Variants in FRMD4B observed in about 807,000 individuals in gnomAD.
The protein encoded by FRMD4B is FERM domain-containing protein 4B.
Under a neutral mutation model 141.5 loss-of-function variants are expected in FRMD4B, and 74 were observed. The ratio of observed to expected loss-of-function variants is 0.52; its 90% confidence interval spans 0.43 to 0.63. The LOEUF (loss-of-function observed/expected upper bound fraction) is 0.63. FRMD4B is among the 30% of genes least tolerant of loss of function. The probability of loss-of-function intolerance (pLI) is 0.00; values close to 1 mark genes in which losing one functional copy is unlikely to be tolerated. For synonymous variants in FRMD4B, 506 were observed against 467.9 expected (o/e 1.08, Z -1.05); for missense variants, 1,366 against 1,253.4 (o/e 1.09, Z -1.36).
At chr3:69,204,560 T>C (rs1454298624) in intron 11 of FRMD4B, among the ~76,000 whole-genome samples, 1 of 152,216 alleles carries the variant, frequency 6.6e-6, no homozygotes, top group Non-Finnish European at 1.5e-5. Context: ...TTTATTCTTT[T>C]TTCATTTTGA....
intron 7 of FRMD4B, among the ~76,000 whole-genome samples, chr3:69,241,973 ACT>A (rs2093387935): frequency 6.6e-6 from 1 of 152,038 alleles, no homozygotes; most frequent in African/African-American, 2.4e-5. Context: ...CTAATTTGCC[ACT>A]CTCTAGCTAT....
At chr3:69,404,274 T>A (rs1364787011) in intron 2 of FRMD4B, among the ~76,000 whole-genome samples, 1 of 152,182 alleles carries the variant, frequency 6.6e-6, no homozygotes, top group African/African-American at 2.4e-5. Context: ...TTTTTGCCCA[T>A]AAGATTTCTC....
chr3:69,435,240 C>G (rs1271611881), intron 1 of FRMD4B, among the ~76,000 whole-genome samples: 9 of 152,054 alleles, frequency 5.9e-5, no homozygotes, highest in Admixed American at 5.9e-4. Flanking sequence ...AGATGAAAAT[C>G]CAGACACCTG....
Position 69,224,695 on chromosome 3 carries a change from A to G in FRMD4B, c.582-5T>C. ...TCTTTCCTGGCATTTTCATCACTAA[A>G]AAGAAATGGAATATGGTAATGTCAG... On this transcript the variant is annotated splice_region_variant and splice_polypyrimidine_tract_variant and intron_variant, in intron 7 of 22. Coordinates refer to ENST00000398540, the MANE Select transcript of FRMD4B (RefSeq NM_015123.3). 1 of 1,425,978 alleles carries G rather than the reference A, an allele frequency of 7.0e-7. No homozygotes were observed. Among genetic ancestry groups the G allele is most frequent in the Non-Finnish European group, 9.8e-7 (1 of 1,023,858 alleles). 88.3% of individuals were successfully genotyped at this position (1,425,978 alleles called of 1,614,324 possible). A position where few individuals can be genotyped will look rare whatever the true frequency, so the allele number is the denominator to read the frequency against.
chr3:69,245,667 T>TTTC lies in FRMD4B; in HGVS notation c.581+3558_581+3559insGAA, dbSNP rs1277777495. On this transcript the variant is annotated intron_variant, in intron 7 of 22. Coordinates refer to ENST00000398540, the MANE Select transcript of FRMD4B (RefSeq NM_015123.3). ...TGGCCTTGGCTGATTTTCTTTTCTT[T>TTTC]TTTTTTTTTTTTTTGTGACAGAGTC... Among the ~76,000 whole-genome samples the TTTC allele has an allele frequency of 2.7e-3, 387 of 142,880 alleles. 1 individual carries two copies. Among genetic ancestry groups the TTTC allele is most frequent in the African/African-American group, 9.7e-3 (379 of 39,166 alleles). 93.7% of individuals were successfully genotyped at this position (142,880 alleles called of 152,430 possible). A position where few individuals can be genotyped will look rare whatever the true frequency, so the allele number is the denominator to read the frequency against.
chr3:69,304,415 C>A (rs112848103), intron 3 of FRMD4B, among the ~76,000 whole-genome samples: 10,459 of 138,550 alleles, frequency 0.075, 1,208 homozygotes, highest in African/African-American at 0.25. Context: ...AGCCAGAAGG[C>A]GGAGGTTGCA....
intron 1 of FRMD4B, among the ~76,000 whole-genome samples, chr3:69,518,733 T>C (rs1214115590): frequency 6.6e-6 from 1 of 152,144 alleles, no homozygotes; most frequent in Non-Finnish European, 1.5e-5. Flanking sequence ...TAGAGTTAGC[T>C]GTGGGGAGCT....
intron 1 of FRMD4B, among the ~76,000 whole-genome samples, chr3:69,479,945 A>C (rs1274828554): frequency 6.6e-6 from 1 of 151,786 alleles, no homozygotes; most frequent in Non-Finnish European, 1.5e-5. Flanking sequence ...TTCTCGCTTC[A>C]TTTCATTCAT....
intron 1 of FRMD4B, chr3:69,535,981 G>A (rs7610075): frequency 1.0e-5 from 4 of 384,516 alleles, no homozygotes; most frequent in Admixed American, 7.1e-5. Flanking sequence ...CTGCTGCCTC[G>A]GGCCTTTGCC....
intron 1 of FRMD4B, among the ~76,000 whole-genome samples, chr3:69,350,428 G>T (rs1434715811): frequency 6.6e-6 from 1 of 152,140 alleles, no homozygotes; most frequent in East Asian, 1.9e-4. Flanking sequence ...ATTCCTCAGG[G>T]ATCTAGCAGT....
chr3:69,431,907 C>T (rs908491580), intron 2 of FRMD4B, among the ~76,000 whole-genome samples: 6 of 152,162 alleles, frequency 3.9e-5, no homozygotes, highest in African/African-American at 1.2e-4. Context: ...TCCTTCAAAC[C>T]GTTTTTGCCT....
At chr3:69,439,631 T>C (rs1705314094) in intron 1 of FRMD4B, among the ~76,000 whole-genome samples, 1 of 152,196 alleles carries the variant, frequency 6.6e-6, no homozygotes, top group African/African-American at 2.4e-5. Flanking sequence ...GTAGAATCTT[T>C]GTGTGGTAGA....
At chr3:69,434,455 C>T (rs1357343173) in intron 1 of FRMD4B, among the ~76,000 whole-genome samples, 3 of 152,154 alleles carry the variant, frequency 2.0e-5, no homozygotes, top group Admixed American at 2.0e-4. Flanking sequence ...TCTCAGATTC[C>T]ATTCCTGCCG....
At chr3:69,521,770 T>A (rs567029996) in intron 1 of FRMD4B, among the ~76,000 whole-genome samples, 2 of 152,150 alleles carry the variant, frequency 1.3e-5, no homozygotes, top group Non-Finnish European at 2.9e-5. Context: ...TTCCTAGGAA[T>A]ACCCACCCCG....
rs150942029 is a variant in FRMD4B, at chr3:69,453,026, A to G, written c.-128-20265T>C. On this transcript the variant is annotated intron_variant, in intron 1 of 5. Transcript: ENST00000459638. ...TGCTTTATATTTACACTACATCTCA[A>G]TTTGGCCTTGCCATGTTTCAGATGC... Among the ~76,000 whole-genome samples the G allele has an allele frequency of 3.7e-3, 561 of 152,338 alleles. 5 individuals carry two copies. The highest frequency in any genetic ancestry group is 0.013 in the African/African-American group (545 of 41,582).
intron 1 of FRMD4B, among the ~76,000 whole-genome samples, chr3:69,481,423 G>C (rs543084220): frequency 6.6e-6 from 1 of 152,258 alleles, no homozygotes; most frequent in African/African-American, 2.4e-5. Flanking sequence ...ATCATATAAT[G>C]ATCATTTGTT....
chr3:69,238,707 CA>C (rs780392236), intron 7 of FRMD4B, among the ~76,000 whole-genome samples: 2 of 152,178 alleles, frequency 1.3e-5, no homozygotes, highest in Non-Finnish European at 2.9e-5. Flanking sequence ...CACTTATGCC[CA>C]GGGGGCACGT....
intron 1 of FRMD4B, among the ~76,000 whole-genome samples, chr3:69,451,511 T>C (rs1240555282): frequency 1.3e-5 from 2 of 152,208 alleles, no homozygotes; most frequent in Non-Finnish European, 2.9e-5. Flanking sequence ...TGGTCTATTT[T>C]AATGTCTTCT....
intron 11 of FRMD4B, among the ~76,000 whole-genome samples, chr3:69,208,791 A>G (rs1207806566): frequency 1.3e-5 from 2 of 152,212 alleles, no homozygotes; most frequent in African/African-American, 4.8e-5. Flanking sequence ...AAACAAATAC[A>G]GTGTGACAGA....
Sources: gnomAD v4.1 joint callset for allele counts (sites outside exome capture counted in the v4.1 genomes callset) on GRCh38, gnomAD v4.1.1 for gene constraint, MANE v1.5 for transcripts, NCBI Gene and HGNC (gene_info 2026-07-23, HGNC 2026-07-21) for gene names.